PTPRD: variants seen among roughly 807,000 people sequenced by gnomAD.
The protein encoded by PTPRD is receptor-type tyrosine-protein phosphatase delta.
Under a neutral mutation model 214.5 loss-of-function variants are expected in PTPRD, and 34 were observed. That is an observed-to-expected ratio of 0.16 (90% CI 0.12 to 0.21). The LOEUF is 0.21. PTPRD is among the 10% of genes least tolerant of loss of function. The pLI is 1.00. For missense variants in PTPRD, 2,545 were observed against 2,398.7 expected (o/e 1.06, Z -1.27); for synonymous variants, 1,128 against 845.7 (o/e 1.33, Z -5.79).
At chr9:8,894,316 C>G in intron 11 of PTPRD, among the ~76,000 whole-genome samples, 1 of 99,518 alleles carries the variant, frequency 1.0e-5, no homozygotes, top group South Asian at 3.4e-4. Context: ...CATCACCCCA[C>G]TGCATTCTAG....
intron 3 of PTPRD, among the ~76,000 whole-genome samples, chr9:10,109,260 G>A (rs535476464): frequency 7.9e-5 from 12 of 152,188 alleles, no homozygotes; most frequent in South Asian, 4.1e-4. Context: ...ATTCTCATAC[G>A]GATGCAGAGA....
At chr9:8,555,818 A>C (rs1011613076) in intron 14 of PTPRD, among the ~76,000 whole-genome samples, 1 of 152,064 alleles carries the variant, frequency 6.6e-6, no homozygotes, top group African/African-American at 2.4e-5. Flanking sequence ...TTGCAGATGG[A>C]CTGAAAGTGG....
chr9:10,367,138 T>G (rs902693254), intron 2 of PTPRD, among the ~76,000 whole-genome samples: 6 of 151,422 alleles, frequency 4.0e-5, no homozygotes, highest in African/African-American at 1.5e-4. Context: ...AGATACAGGT[T>G]TACAATGTAG....
chr9:9,775,090 G>A (rs1230117508), intron 5 of PTPRD, among the ~76,000 whole-genome samples: 4 of 152,172 alleles, frequency 2.6e-5, no homozygotes, highest in African/African-American at 9.7e-5. Flanking sequence ...AGTTTGGAGA[G>A]TCGAATGCTC....
At chr9:8,579,684 T>C (rs1193490423) in intron 14 of PTPRD, among the ~76,000 whole-genome samples, 1 of 152,232 alleles carries the variant, frequency 6.6e-6, no homozygotes, top group East Asian at 1.9e-4. Context: ...AAGTAGGGTA[T>C]TGACCAGATC....
intron 8 of PTPRD, among the ~76,000 whole-genome samples, chr9:9,485,563 C>T (rs2095594611): frequency 1.3e-5 from 2 of 152,112 alleles, no homozygotes; most frequent in South Asian, 2.1e-4. Context: ...TCCTTAGTTG[C>T]TTAGTAGATA....
At chr9:8,453,263 A>G (rs2096035842) in intron 33 of PTPRD, among the ~76,000 whole-genome samples, 1 of 152,296 alleles carries the variant, frequency 6.6e-6, no homozygotes, top group East Asian at 1.9e-4. Flanking sequence ...TCCCGGGTTC[A>G]TGCCATTCTC....
At chr9:10,057,263 T>G (rs1030438269) in intron 3 of PTPRD, among the ~76,000 whole-genome samples, 4 of 152,130 alleles carry the variant, frequency 2.6e-5, no homozygotes, top group African/African-American at 9.7e-5. Flanking sequence ...AAACTACTGG[T>G]GCACTACTAT....
At chr9:9,945,613 C>T (rs1448633243) in intron 4 of PTPRD, among the ~76,000 whole-genome samples, 1 of 152,134 alleles carries the variant, frequency 6.6e-6, no homozygotes, top group Non-Finnish European at 1.5e-5. Context: ...ACACAGAGCT[C>T]ATGGGTGACC....
intron 9 of PTPRD, among the ~76,000 whole-genome samples, chr9:9,201,609 T>A (rs138465108): frequency 2.6e-5 from 4 of 152,310 alleles, no homozygotes; most frequent in Non-Finnish European, 4.4e-5. Flanking sequence ...GGCTCAAACA[T>A]TGAACTTTTC....
intron 20 of PTPRD, among the ~76,000 whole-genome samples, chr9:8,520,107 T>G (rs186560898): frequency 1.3e-5 from 2 of 152,300 alleles, no homozygotes; most frequent in Admixed American, 1.3e-4. Context: ...TTCTGAACTT[T>G]CAAAGCAAAT....
intron 10 of PTPRD, among the ~76,000 whole-genome samples, chr9:9,153,863 A>G (rs1007852091): frequency 2.6e-5 from 4 of 152,152 alleles, no homozygotes; most frequent in African/African-American, 4.8e-5. Context: ...TTAAGGGACC[A>G]GGAACTATTA....
intron 11 of PTPRD, among the ~76,000 whole-genome samples, chr9:8,738,789 C>G (rs892793025): frequency 2.6e-5 from 4 of 151,518 alleles, no homozygotes; most frequent in Non-Finnish European, 4.4e-5. Context: ...AAAACAAAAA[C>G]TACTGCTGTC....
chr9:8,746,781 G>A lies in PTPRD; in HGVS notation c.-103-12835C>T, dbSNP rs575439325. On this transcript the variant is annotated intron_variant, in intron 11 of 45. Coordinates refer to ENST00000381196, the MANE Select transcript of PTPRD (RefSeq NM_002839.4). ...GGCTGAGGCAGGAGGATCACTTGAG[G>A]TCAAGAGTTCAAGACCAGCCTGGGC... 1.1e-3 allele frequency among the ~76,000 whole-genome samples: 167 copies of A among 152,222 alleles called. 2 individuals are homozygous for A. The highest frequency in any genetic ancestry group is 3.9e-3 in the African/African-American group (162 of 41,516).
At chr9:9,626,155 G>T (rs1297433252) in intron 7 of PTPRD, among the ~76,000 whole-genome samples, 1 of 152,142 alleles carries the variant, frequency 6.6e-6, no homozygotes. Context: ...AAAATATCCA[G>T]GAAGTTTTCT....
At chr9:9,068,576 C>T (rs1046625468) in intron 10 of PTPRD, among the ~76,000 whole-genome samples, 7 of 152,026 alleles carry the variant, frequency 4.6e-5, no homozygotes, top group Non-Finnish European at 8.8e-5. Context: ...ACATTAAAGT[C>T]TTTCTCATCT....
chr9:8,734,084 C>A, intron 11 of PTPRD, 138 bp from the exon 12 acceptor site: 1 of 555,038 alleles, frequency 1.8e-6, no homozygotes, highest in East Asian at 3.0e-5. Context: ...TTGTAACTGT[C>A]ATACTTTGTT....
rs1192054270 is a variant in PTPRD at position 9,652,204 on chromosome 9, G to A, written c.-286-77423C>T. On this transcript the variant is annotated intron_variant, in intron 7 of 45. Transcript: ENST00000381196. ...TCAAAGCCTTTCTGCTCTATTACCAGTGTATCCTTGTCTTACTATCTGCTG... is the reference window on the plus strand; with the variant it reads ...TCAAAGCCTTTCTGCTCTATTACCAATGTATCCTTGTCTTACTATCTGCTG... Among the ~76,000 whole-genome samples the A allele has an allele frequency of 3.3e-5, 5 of 152,116 alleles. No individual in the cohort carries two copies. In the East Asian group the frequency reaches 9.7e-4, roughly 29 times the overall value.
At chr9:9,479,891 A>G (rs967688939) in intron 8 of PTPRD, among the ~76,000 whole-genome samples, 2 of 152,176 alleles carry the variant, frequency 1.3e-5, no homozygotes, top group African/African-American at 4.8e-5. Context: ...AGAAACTGAC[A>G]ATACTGAATG....
Sources: gnomAD v4.1 joint callset for allele counts (sites outside exome capture counted in the v4.1 genomes callset) on GRCh38, gnomAD v4.1.1 for gene constraint, MANE v1.5 for transcripts, NCBI Gene and HGNC (gene_info 2026-07-23, HGNC 2026-07-21) for gene names.